The following GRID1 variants were observed in gnomAD, a reference collection of about 807,000 sequenced individuals.
The protein encoded by GRID1 is glutamate receptor ionotropic, delta-1.
In GRID1, 28 loss-of-function variants were observed where a neutral mutation model predicts 98.0. That is an observed-to-expected ratio of 0.29 (90% CI 0.21 to 0.39). The LOEUF is 0.39. Among genes scored for constraint, GRID1 ranks in the 10% least tolerant of loss-of-function variants. The pLI is 1.00. For synonymous variants in GRID1, 553 were observed against 538.5 expected (o/e 1.03, Z -0.37); for missense variants, 1,111 against 1,340.5 (o/e 0.83, Z 2.67).
intron 2 of GRID1, among the ~76,000 whole-genome samples, chr10:86,292,420 G>T (rs941332111): frequency 6.6e-6 from 1 of 152,224 alleles, no homozygotes; most frequent in African/African-American, 2.4e-5. Flanking sequence ...ATGCCCTAGG[G>T]AAGCATCACC....
chr10:86,335,343 G>A (rs973172668), intron 2 of GRID1, among the ~76,000 whole-genome samples: 2 of 152,228 alleles, frequency 1.3e-5, no homozygotes, highest in African/African-American at 4.8e-5. Context: ...AATTACACAG[G>A]ATGTTAATAG....
At chr10:86,054,195 C>A (rs1053946606) in intron 4 of GRID1, among the ~76,000 whole-genome samples, 2 of 151,268 alleles carry the variant, frequency 1.3e-5, no homozygotes, top group East Asian at 2.0e-4. Context: ...GCCCAGAGTG[C>A]GATACCACAG....
In GRID1 at chr10:85,723,041, A is replaced by G. The variant is rs138423675; in HGVS notation, c.1959T>C (p.Ala653=). Residue 653 remains alanine (A), a synonymous_variant, in exon 12 of 16, where the codon GCT becomes GCC. Transcript: ENST00000327946. ...IVCSSYTANL[A]AFLTVSRMDN... is the part of the protein sequence containing the mutation. The stretch of plus-strand genomic sequence containing the variant: ...CCATCCTGGACACTGTGAGGAAGGC[A>G]GCAAGGTTGGCTGTGTAGGAGGAGC... 83 of 1,612,752 alleles carry G rather than the reference A, an allele frequency of 5.1e-5. No individual in the cohort carries two copies. Among genetic ancestry groups the G allele is most frequent in the Non-Finnish European group, 6.8e-5 (80 of 1,179,396 alleles).
intron 4 of GRID1, among the ~76,000 whole-genome samples, chr10:86,108,016 G>A (rs1008533266): frequency 5.3e-5 from 8 of 152,200 alleles, no homozygotes; most frequent in African/African-American, 1.9e-4. Flanking sequence ...TTGTCCGTGC[G>A]ACAAGGTAGA....
intron 13 of GRID1, 106 bp from the exon 14 acceptor site, chr10:85,620,139 G>GGGTAGGACCCAT: frequency 1.1e-6 from 1 of 871,410 alleles, no homozygotes; most frequent in Non-Finnish European, 1.8e-6. Context: ...ATCCTCAATG[G>GGGTAGGACCCAT]TCTTCCTACC....
At chr10:86,155,763 T>C (rs1340736602) in intron 3 of GRID1, among the ~76,000 whole-genome samples, 1 of 152,004 alleles carries the variant, frequency 6.6e-6, no homozygotes, top group Non-Finnish European at 1.5e-5. Flanking sequence ...CTAGTGGGTG[T>C]AGGGGAATAG....
At chr10:86,314,793 A>T (rs183749804) in intron 2 of GRID1, among the ~76,000 whole-genome samples, 1 of 152,128 alleles carries the variant, frequency 6.6e-6, no homozygotes, top group Non-Finnish European at 1.5e-5. Context: ...CCGGAATCTG[A>T]GGCTGCCATT....
chr10:86,067,365 G>A (rs1490576986), intron 4 of GRID1, among the ~76,000 whole-genome samples: 1 of 152,178 alleles, frequency 6.6e-6, no homozygotes, highest in African/African-American at 2.4e-5. Flanking sequence ...CACGAGGCAG[G>A]TCAGGCTTGC....
At chr10:86,139,456 T>C (rs1294931072) in intron 3 of GRID1, among the ~76,000 whole-genome samples, 1 of 152,182 alleles carries the variant, frequency 6.6e-6, no homozygotes, top group African/African-American at 2.4e-5. Context: ...CTGAGGCCCC[T>C]GACTGGAGCG....
intron 13 of GRID1, among the ~76,000 whole-genome samples, chr10:85,628,634 T>C (rs982764017): frequency 6.6e-6 from 1 of 151,922 alleles, no homozygotes; most frequent in African/African-American, 2.4e-5. Context: ...AGCTAGGAGG[T>C]TGTCAGGAAA....
chr10:85,848,853 G>C (rs1384634840), intron 8 of GRID1, among the ~76,000 whole-genome samples: 2 of 152,156 alleles, frequency 1.3e-5, no homozygotes, highest in Admixed American at 1.3e-4. Context: ...TCTGCACAAG[G>C]GTTCAGAACG....
chr10:86,121,420 AT>A, intron 4 of GRID1, among the ~76,000 whole-genome samples: 1 of 151,320 alleles, frequency 6.6e-6, no homozygotes, highest in African/African-American at 2.4e-5. Context: ...CACCATCATT[AT>A]CACCATTATC....
chr10:86,185,564 A>T (rs1358167824), intron 3 of GRID1, among the ~76,000 whole-genome samples: 1 of 152,192 alleles, frequency 6.6e-6, no homozygotes, highest in East Asian at 1.9e-4. Context: ...AGGGACAAGC[A>T]TATAGTCTTT....
At chr10:85,783,179 C>T (rs963254624) in intron 8 of GRID1, among the ~76,000 whole-genome samples, 9 of 152,110 alleles carry the variant, frequency 5.9e-5, no homozygotes, top group Non-Finnish European at 7.3e-5. Flanking sequence ...GACTGTCTCC[C>T]GGGGGATCAT....
At chr10:85,930,250 A>T (rs554350286) in intron 4 of GRID1, among the ~76,000 whole-genome samples, 1 of 97,388 alleles carries the variant, frequency 1.0e-5, no homozygotes, top group East Asian at 2.4e-4. Flanking sequence ...ACTACAAATA[A>T]CTTGCGGTTA....
At chr10:85,617,236 C>T (rs377240650) in intron 14 of GRID1, among the ~76,000 whole-genome samples, 1 of 134,360 alleles carries the variant, frequency 7.4e-6, no homozygotes, top group African/African-American at 2.7e-5. Context: ...CCCCCCCCCC[C>T]TTTTATTTTT....
intron 8 of GRID1, among the ~76,000 whole-genome samples, chr10:85,815,898 T>TAA (rs538089774): frequency 6.6e-6 from 1 of 151,498 alleles, no homozygotes; most frequent in African/African-American, 2.4e-5. Context: ...TCCTTTTTTG[T>TAA]AAAAAAAAGC....
chr10:85,802,838 A>C (rs865826057), intron 8 of GRID1, among the ~76,000 whole-genome samples: 1 of 120,966 alleles, frequency 8.3e-6, no homozygotes, highest in East Asian at 2.4e-4. Flanking sequence ...AAGCAGAATA[A>C]ACACACACAC....
At chr10:85,757,971 G>T (rs550343961) in intron 8 of GRID1, among the ~76,000 whole-genome samples, 1 of 152,180 alleles carries the variant, frequency 6.6e-6, no homozygotes, top group Non-Finnish European at 1.5e-5. Context: ...ATTTTATATC[G>T]TAACACTCCT....
Sources: allele counts gnomAD v4.1 joint callset (sites outside exome capture counted in the v4.1 genomes callset), GRCh38; gene constraint gnomAD v4.1.1; transcripts MANE v1.5; gene names NCBI Gene and HGNC (gene_info 2026-07-23, HGNC 2026-07-21).